The following TMEM68 variants were observed in gnomAD, a reference collection of about 807,000 sequenced individuals.
TMEM68 encodes the protein DGAT1/2-independent enzyme synthesizing storage lipids.
A neutral mutation model predicts 36.9 loss-of-function variants in TMEM68; 25 were observed. The observed-to-expected ratio is 0.68, with a 90% CI of 0.49 to 0.95. The LOEUF is 0.95. Ranked by LOEUF, TMEM68 falls within the 40% of genes least tolerant of loss-of-function variation. TMEM68 has a pLI of 0.00. For synonymous variants in TMEM68, 131 were observed against 124.4 expected (o/e 1.05, Z -0.35); for missense variants, 333 against 392.0 (o/e 0.85, Z 1.27).
intron 1 of TMEM68, among the ~76,000 whole-genome samples, chr8:55,764,954 C>A (rs1197872741): frequency 6.6e-6 from 1 of 152,150 alleles, no homozygotes; most frequent in East Asian, 1.9e-4. Context: ...CGCCTGTAGT[C>A]CCAGCTACTC....
chr8:55,763,104 T>C (rs140860321), intron 2 of TMEM68, 76 bp from the exon 3 acceptor site: 16 of 818,962 alleles, frequency 2.0e-5, no homozygotes, highest in South Asian at 1.7e-4. Context: ...TTAAATAGCA[T>C]ATAGAGTCAT....
Position 55,740,013 on chromosome 8 carries a change from T to A in TMEM68, c.*119A>T, listed in dbSNP as rs1810050209. 1 of 728,552 alleles carries A rather than the reference T, an allele frequency of 1.4e-6. No individual in the cohort carries two copies. The highest frequency in any genetic ancestry group is 2.1e-6 in the Non-Finnish European group (1 of 468,304). The allele number at this position is 728,552 out of a possible 1,614,324, so 45.1% of individuals were successfully genotyped here. A position where few individuals can be genotyped will look rare whatever the true frequency, so the allele number is the denominator to read the frequency against. On this transcript the variant is annotated 3_prime_UTR_variant, in exon 8 of 8. Coordinates refer to ENST00000434581, the MANE Select transcript of TMEM68 (RefSeq NM_001286657.2). ...AAACGAATTCTGTGAAAGATGCTTA[T>A]TAACATGATTTTTTTAAAAAATACT... is the stretch of plus-strand genomic sequence containing the variant.
At chr8:55,750,099 T>C (rs1046578527) in intron 5 of TMEM68, among the ~76,000 whole-genome samples, 17 of 152,168 alleles carry the variant, frequency 1.1e-4, no homozygotes, top group Non-Finnish European at 2.2e-4. Context: ...AAATATAAAC[T>C]TGAAAGTTGA....
At chr8:55,756,643 T>C (rs1810616587) in intron 3 of TMEM68, among the ~76,000 whole-genome samples, 1 of 152,050 alleles carries the variant, frequency 6.6e-6, no homozygotes, top group Non-Finnish European at 1.5e-5. Flanking sequence ...AGAGGTAGCC[T>C]GGAGTGTTGG....
intron 1 of TMEM68, among the ~76,000 whole-genome samples, chr8:55,772,275 C>T (rs941240079): frequency 2.6e-5 from 4 of 152,144 alleles, no homozygotes; most frequent in Admixed American, 1.3e-4. Context: ...AATTTTAGCT[C>T]AGTTTTTATA....
At chr8:55,743,332 A>AC in intron 7 of TMEM68, 149 bp downstream of exon 7, 2 of 1,034,448 alleles carry the variant, frequency 1.9e-6, no homozygotes, top group Non-Finnish European at 2.7e-6. Flanking sequence ...AGGGATTAGC[A>AC]AATGTTCCCT....
intron 2 of TMEM68, chr8:55,763,717 C>CGTGTTTTT: frequency 2.1e-5 from 1 of 47,012 alleles, no homozygotes. Context: ...CAAAAGAAAA[C>CGTGTTTTT]ATCAATATCT....
At chr8:55,760,067 G>A (rs1810735741) in intron 3 of TMEM68, among the ~76,000 whole-genome samples, 2 of 152,222 alleles carry the variant, frequency 1.3e-5, no homozygotes, top group South Asian at 4.1e-4. Flanking sequence ...GTTCCAGGCT[G>A]GCTGTTTTTT....
At chr8:55,744,820 T>G (rs1360647282) in intron 6 of TMEM68, among the ~76,000 whole-genome samples, 1 of 152,238 alleles carries the variant, frequency 6.6e-6, no homozygotes, top group African/African-American at 2.4e-5. Flanking sequence ...TAATTCACTG[T>G]GAAGTTTTTA....
At chr8:55,768,795 G>A (rs1252502963) in intron 1 of TMEM68, among the ~76,000 whole-genome samples, 5 of 151,488 alleles carry the variant, frequency 3.3e-5, no homozygotes, top group Non-Finnish European at 5.9e-5. Context: ...GCAGTGAGCC[G>A]AGATCATGCC....
At chr8:55,762,267 T>G (rs1810817590) in intron 3 of TMEM68, 1 of 250,932 alleles carries the variant, frequency 4.0e-6, no homozygotes, top group Non-Finnish European at 7.4e-6. Flanking sequence ...AAATCCACAC[T>G]GGTAGAGTCA....
chr8:55,740,952 G>A (rs759641439), intron 7 of TMEM68, among the ~76,000 whole-genome samples: 14 of 152,148 alleles, frequency 9.2e-5, no homozygotes, highest in Non-Finnish European at 1.6e-4. Flanking sequence ...ACGCCCCTTT[G>A]GCTGGGCGTG....
chr8:55,754,007 A>C (rs1317964253), intron 4 of TMEM68, among the ~76,000 whole-genome samples: 1 of 151,442 alleles, frequency 6.6e-6, no homozygotes, highest in Non-Finnish European at 1.5e-5. Flanking sequence ...CAGGAGAATC[A>C]CTTGAACCTG....
At chr8:55,768,513 A>G (rs1811046535) in intron 1 of TMEM68, among the ~76,000 whole-genome samples, 1 of 151,976 alleles carries the variant, frequency 6.6e-6, no homozygotes, top group South Asian at 2.1e-4. Context: ...CCAGAAGTTC[A>G]AGACCAGCCA....
chr8:55,761,253 A>G (rs1005264683), intron 3 of TMEM68: 2 of 152,174 alleles, frequency 1.3e-5, no homozygotes, highest in Admixed American at 1.3e-4. Flanking sequence ...TGAGGCCCCA[A>G]TTGCCTATAA....
At chr8:55,767,085 TG>T (rs1810989672) in intron 1 of TMEM68, among the ~76,000 whole-genome samples, 1 of 48,690 alleles carries the variant, frequency 2.1e-5, no homozygotes, top group African/African-American at 8.8e-5. Context: ...AAGACTATCG[TG>T]AAGATTACGT....
chr8:55,754,466 TAC>T (rs71256558), intron 4 of TMEM68, among the ~76,000 whole-genome samples: 2,434 of 118,768 alleles, frequency 0.02, 55 homozygotes, highest in African/African-American at 0.044. Flanking sequence ...TATATATATA[TAC>T]ACACACACAC....
rs1187574256 is a variant in TMEM68, at chr8:55,739,946, G to A, written c.*186C>T. 5 of 520,036 alleles carry A rather than the reference G, an allele frequency of 9.6e-6. No individual in the cohort carries two copies. The highest frequency in any genetic ancestry group is 1.7e-5 in the Non-Finnish European group (5 of 298,282). 32.2% of individuals were successfully genotyped at this position (520,036 alleles called of 1,614,324 possible). A position where few individuals can be genotyped will look rare whatever the true frequency, so the allele number is the denominator to read the frequency against. ...GAATTACTAGGTGTGTAATTTGTTA[G>A]TATTTGACACAATTGCAAAAACAAA... On this transcript the variant is annotated 3_prime_UTR_variant, in exon 8 of 8. Coordinates refer to ENST00000434581, the MANE Select transcript of TMEM68 (RefSeq NM_001286657.2).
chr8:55,750,429 T>C (rs920219133), intron 5 of TMEM68, among the ~76,000 whole-genome samples: 12 of 151,880 alleles, frequency 7.9e-5, no homozygotes, highest in African/African-American at 2.7e-4. Context: ...AAACTTTCCA[T>C]AGGTAATAGA....
Sources: gnomAD v4.1 joint callset for allele counts (sites outside exome capture counted in the v4.1 genomes callset) on GRCh38, gnomAD v4.1.1 for gene constraint, MANE v1.5 for transcripts, NCBI Gene and HGNC (gene_info 2026-07-23, HGNC 2026-07-21) for gene names.